GCC2: variants seen among roughly 807,000 people sequenced by gnomAD.
The protein encoded by GCC2 is GRIP and coiled-coil domain containing 2.
GCC2 carries 120 observed loss-of-function variants against 210.6 expected under a neutral mutation model. The ratio of observed to expected loss-of-function variants is 0.57; its 90% CI spans 0.49 to 0.66. GCC2 has a LOEUF of 0.66. GCC2 is among the 30% of genes least tolerant of loss of function. The probability of loss-of-function intolerance (pLI) is 0.00; values close to 1 mark genes in which losing one functional copy is unlikely to be tolerated. For missense variants in GCC2, 1,868 were observed against 1,871.9 expected, an observed-to-expected ratio of 1.00 and a Z score of 0.04; for synonymous variants, 703 against 652.7, an observed-to-expected ratio of 1.08 and a Z score of -1.17.
At chr2:108,458,840 A>G (rs1680403918) in intron 4 of GCC2, among the ~76,000 whole-genome samples, 1 of 151,796 alleles carries the variant, frequency 6.6e-6, no homozygotes. Context: ...TAGTTTATCA[A>G]TTTTGTTTAT....
chr2:108,486,211 G>C (rs1226026658), intron 15 of GCC2, among the ~76,000 whole-genome samples: 2 of 152,054 alleles, frequency 1.3e-5, no homozygotes, highest in African/African-American at 4.8e-5. Context: ...GATTTTATAT[G>C]TTTGCTATAT....
intron 15 of GCC2, among the ~76,000 whole-genome samples, chr2:108,486,256 T>C (rs955960051): frequency 3.3e-5 from 5 of 152,226 alleles, no homozygotes; most frequent in African/African-American, 1.2e-4. Flanking sequence ...TGTCTTGAAG[T>C]ATTTAAACAT....
At position 108,471,017 on chromosome 2, in the gene GCC2, A is replaced by C; in HGVS notation, c.1688A>C (p.Asn563Thr). 1 of 1,611,532 alleles carries C rather than the reference A, an allele frequency of 6.2e-7. No individual in the cohort carries two copies. Among genetic ancestry groups the C allele is most frequent in the Non-Finnish European group, 8.5e-7 (1 of 1,178,238 alleles). The change falls in exon 6 of 23, where the codon AAC becomes ACC. Residue 563 changes from asparagine to threonine, a missense_variant. Coordinates refer to ENST00000309863, the MANE Select transcript of GCC2 (RefSeq NM_181453.4). ...LVPELENTIK[N>T]LQEKNGVYLL... ...CCAGAACTTGAAAATACCATAAAGA[A>C]CCTTCAAGAAAAGAATGGAGTATAC...
In GCC2 at chr2:108,456,669, T is replaced by C. The variant is rs188117299; in HGVS notation, c.216+4203T>C. Reference sequence around the variant, plus strand: ...TCTTCATGCTGTTGATTGTTTCTTTTGCTATGCAGAAGCTTTTTAGCCTAT... The same window carrying C: ...TCTTCATGCTGTTGATTGTTTCTTTCGCTATGCAGAAGCTTTTTAGCCTAT... On this transcript the variant is annotated intron_variant, in intron 4 of 22. Transcript: ENST00000309863. Among the ~76,000 whole-genome samples the C allele has an allele frequency of 2.0e-5, 3 of 152,194 alleles. No homozygotes were observed. The East Asian group carries it at 5.8e-4, about 29-fold the overall frequency.
At chr2:108,493,478 T>C (rs1374602881) in intron 19 of GCC2, 4 of 987,616 alleles carry the variant, frequency 4.1e-6, no homozygotes, top group Non-Finnish European at 4.8e-6. Context: ...ATAGAAACAT[T>C]AGATAGAGCA....
intron 4 of GCC2, among the ~76,000 whole-genome samples, chr2:108,461,695 G>C (rs1680581508): frequency 6.6e-6 from 1 of 151,710 alleles, no homozygotes; most frequent in Non-Finnish European, 1.5e-5. Flanking sequence ...GTAGAGACGG[G>C]GTTTCACCAT....
At chr2:108,503,926 T>C (rs542311057) in intron 22 of GCC2, among the ~76,000 whole-genome samples, 1 of 152,234 alleles carries the variant, frequency 6.6e-6, no homozygotes, top group African/African-American at 2.4e-5. Context: ...CTGGGCAACA[T>C]GGCGAGACCC....
At chr2:108,449,496 C>A in intron 1 of GCC2, 137 bp from the exon 2 acceptor site, 1 of 1,194,348 alleles carries the variant, frequency 8.4e-7, no homozygotes, top group Non-Finnish European at 1.2e-6. Flanking sequence ...CCGCCTCCGT[C>A]CGCCCTCATT....
At chr2:108,455,917 A>G (rs1680250205) in intron 4 of GCC2, among the ~76,000 whole-genome samples, 1 of 152,162 alleles carries the variant, frequency 6.6e-6, no homozygotes, top group African/African-American at 2.4e-5. Context: ...ATTTGTTTTC[A>G]ATGACTACCA....
chr2:108,504,049 A>G (rs1341238840), intron 22 of GCC2, among the ~76,000 whole-genome samples: 1 of 152,210 alleles, frequency 6.6e-6, no homozygotes, highest in African/African-American at 2.4e-5. Flanking sequence ...TCGAGGCTGC[A>G]GTCAAACTTC....
At chr2:108,460,834 C>T (rs1680529262) in intron 4 of GCC2, among the ~76,000 whole-genome samples, 1 of 152,150 alleles carries the variant, frequency 6.6e-6, no homozygotes, top group African/African-American at 2.4e-5. Flanking sequence ...GAACTTCCTC[C>T]TTGCTTTTCT....
intron 1 of GCC2, 33 bp downstream of exon 1, chr2:108,449,313 A>T: frequency 6.5e-7 from 1 of 1,544,958 alleles, no homozygotes; most frequent in South Asian, 1.2e-5. Context: ...CCTCCCATCA[A>T]GCCTTCCGCG....
chr2:108,467,132 A>T (rs1339497374), intron 4 of GCC2, among the ~76,000 whole-genome samples: 1 of 152,022 alleles, frequency 6.6e-6, no homozygotes, highest in Non-Finnish European at 1.5e-5. Context: ...ATACGTTTAG[A>T]ATTTTGTCAT....
At position 108,507,682 on chromosome 2, in the gene GCC2, G is replaced by A. The variant is rs750013741; in HGVS notation, c.*52G>A. 1 of 1,283,480 alleles carries A rather than the reference G, an allele frequency of 7.8e-7. No homozygotes were observed. The highest frequency in any genetic ancestry group is 1.1e-6 in the Non-Finnish European group (1 of 898,652). 79.5% of individuals were successfully genotyped at this position (1,283,480 alleles called of 1,614,324 possible). A position where few individuals can be genotyped will look rare whatever the true frequency, so the allele number is the denominator to read the frequency against. Reference sequence around the variant, plus strand: ...CCAAATAGAATCTATTTACAAAAATGGTTCACGTATATTACCACAATTCTT... The same window carrying A: ...CCAAATAGAATCTATTTACAAAAATAGTTCACGTATATTACCACAATTCTT... On this transcript the variant is annotated 3_prime_UTR_variant, in exon 23 of 23. Transcript: ENST00000309863.
intron 15 of GCC2, 115 bp downstream of exon 15, chr2:108,486,023 T>A (rs1250947508): frequency 3.5e-6 from 2 of 576,034 alleles, no homozygotes; most frequent in Non-Finnish European, 6.2e-6. Flanking sequence ...CCTCAACATT[T>A]TGAGGAAGTT....
chr2:108,464,111 C>G (rs1226739939), intron 4 of GCC2, among the ~76,000 whole-genome samples: 1 of 152,018 alleles, frequency 6.6e-6, no homozygotes, highest in Non-Finnish European at 1.5e-5. Flanking sequence ...GTGAGTGTCC[C>G]AGGCCACCAG....
At chr2:108,475,291 T>C (rs538617845) in intron 7 of GCC2, 6 of 260,900 alleles carry the variant, frequency 2.3e-5, no homozygotes, top group Non-Finnish European at 4.3e-5. Context: ...CCTGGAAACA[T>C]ATGAAACGGC....
chr2:108,462,167 C>G (rs1479129125), intron 4 of GCC2, among the ~76,000 whole-genome samples: 2 of 146,166 alleles, frequency 1.4e-5, no homozygotes, highest in Non-Finnish European at 3.0e-5. Context: ...CTTCTGTTCT[C>G]TCTTTGCTTT....
intron 11 of GCC2, 55 bp downstream of exon 11, chr2:108,482,506 A>G: frequency 3.6e-6 from 3 of 836,372 alleles, no homozygotes; most frequent in Non-Finnish European, 5.8e-6. Context: ...TTACCAAAAT[A>G]TTATTTAAAT....
Sources: gnomAD v4.1 joint callset for allele counts (sites outside exome capture counted in the v4.1 genomes callset) on GRCh38, gnomAD v4.1.1 for gene constraint, MANE v1.5 for transcripts, NCBI Gene and HGNC (gene_info 2026-07-23, HGNC 2026-07-21) for gene names.